Variants in CCDC171 observed in about 807,000 individuals in gnomAD.
CCDC171 encodes coiled-coil domain-containing protein 171.
A neutral mutation model predicts 168.2 loss-of-function variants in CCDC171; 177 were observed. The ratio of observed to expected loss-of-function variants is 1.05; its 90% CI spans 0.93 to 1.19. The LOEUF (loss-of-function observed/expected upper bound fraction) is 1.19. Among genes scored for constraint, CCDC171 ranks in the 50% most tolerant of loss-of-function variants. The pLI is 0.00. For missense variants in CCDC171, 1,991 were observed against 1,539.0 expected (o/e 1.29, Z -4.91); for synonymous variants, 687 against 540.8 (o/e 1.27, Z -3.75).
chr9:15,867,210 G>A (rs2061826959), intron 23 of CCDC171, among the ~76,000 whole-genome samples: 1 of 151,904 alleles, frequency 6.6e-6, no homozygotes, highest in Non-Finnish European at 1.5e-5. Flanking sequence ...TGTCAAACAG[G>A]ATATGATAGA....
chr9:15,968,711 A>G (rs1831051434), intron 25 of CCDC171, among the ~76,000 whole-genome samples: 1 of 151,848 alleles, frequency 6.6e-6, no homozygotes, highest in South Asian at 2.1e-4. Flanking sequence ...ACTGATTTTT[A>G]TATTTTTAGC....
chr9:15,912,544 T>C (rs1426412900), intron 24 of CCDC171, among the ~76,000 whole-genome samples: 2 of 152,204 alleles, frequency 1.3e-5, no homozygotes, highest in African/African-American at 4.8e-5. Flanking sequence ...TTTATTTCTT[T>C]CTCTTGCCTG....
At chr9:16,068,785 T>A in the CCDC171 span, among the ~76,000 whole-genome samples, 1 of 152,114 alleles carries the variant, frequency 6.6e-6, no homozygotes, top group African/African-American at 2.4e-5. Context: ...ATACGATGTA[T>A]TCTGGTTTTT....
At chr9:15,992,857 G>A (rs1187248895) in intron 3 of CCDC171, among the ~76,000 whole-genome samples, 1 of 152,066 alleles carries the variant, frequency 6.6e-6, no homozygotes, top group Non-Finnish European at 1.5e-5. Flanking sequence ...GCTTCAAAGA[G>A]AATAAAATAC....
intron 23 of CCDC171, among the ~76,000 whole-genome samples, chr9:15,850,747 C>T (rs1195603085): frequency 6.6e-6 from 1 of 151,920 alleles, no homozygotes; most frequent in African/African-American, 2.4e-5. Context: ...CACCTGTCTT[C>T]GTGCCAGAGT....
chr9:15,848,696 G>A (rs1162306466), intron 22 of CCDC171, among the ~76,000 whole-genome samples, 197 bp from the exon 23 acceptor site: 1 of 151,034 alleles, frequency 6.6e-6, no homozygotes, highest in East Asian at 1.9e-4. Context: ...CAGTGAATAT[G>A]GTTAGTTTTT....
At chr9:15,610,379 G>T (rs2043564425) in intron 6 of CCDC171, among the ~76,000 whole-genome samples, 2 of 144,100 alleles carry the variant, frequency 1.4e-5, no homozygotes, top group South Asian at 2.3e-4. Flanking sequence ...GGCCAAGGCG[G>T]GTGGATCACC....
At chr9:15,624,472 C>T (rs1047108273) in intron 7 of CCDC171, among the ~76,000 whole-genome samples, 6 of 152,086 alleles carry the variant, frequency 3.9e-5, no homozygotes, top group African/African-American at 1.4e-4. Flanking sequence ...ACTCCCCCAC[C>T]CCATGACAGG....
chr9:15,821,761 A>G lies in CCDC171; in HGVS notation c.3268-24941A>G, dbSNP rs1038547953. On this transcript the variant is annotated intron_variant, in intron 21 of 25. Coordinates refer to ENST00000380701, the MANE Select transcript of CCDC171 (RefSeq NM_173550.4). Reference sequence around the variant, plus strand: ...ATCGTGAAAATGGCCATACTGCCCAAGGTAATTTATACATTCAATGCCATC... The same window carrying G: ...ATCGTGAAAATGGCCATACTGCCCAGGGTAATTTATACATTCAATGCCATC... 4.3e-5 allele frequency among the ~76,000 whole-genome samples: 5 copies of G among 116,880 alleles called. 1 individual carries two copies. Among genetic ancestry groups the G allele is most frequent in the African/African-American group, 1.6e-4 (5 of 30,852 alleles). 76.7% of individuals were successfully genotyped at this position (116,880 alleles called of 152,430 possible).
the CCDC171 span, among the ~76,000 whole-genome samples, chr9:16,107,557 A>G: frequency 6.6e-6 from 1 of 152,102 alleles, no homozygotes; most frequent in Middle Eastern, 3.2e-3. Flanking sequence ...TGTATCACAC[A>G]CACACATATA....
At chr9:15,907,717 A>G (rs890697519) in intron 24 of CCDC171, among the ~76,000 whole-genome samples, 1 of 152,246 alleles carries the variant, frequency 6.6e-6, no homozygotes, top group African/African-American at 2.4e-5. Context: ...CAGAGTGAAC[A>G]GGCAACCTAC....
At chr9:15,848,762 A>G (rs1272672556) in intron 22 of CCDC171, 131 bp from the exon 23 acceptor site, 1 of 473,058 alleles carries the variant, frequency 2.1e-6, no homozygotes, top group Non-Finnish European at 3.8e-6. Context: ...AAGTTAAAAT[A>G]AATTAAAAAA....
rs756014091 is a variant in CCDC171, at chr9:15,973,006, T to C, written c.*1170T>C. The C allele has an allele frequency of 2.0e-5, 3 of 152,116 alleles. No individual in the cohort carries two copies. Among genetic ancestry groups the C allele is most frequent in the Non-Finnish European group, 4.4e-5 (3 of 68,028 alleles). The allele number at this position is 152,116 out of a possible 1,614,324, so 9.4% of individuals were successfully genotyped here. On this transcript the variant is annotated 3_prime_UTR_variant, in exon 26 of 26. Coordinates refer to ENST00000380701, the MANE Select transcript of CCDC171 (RefSeq NM_173550.4). ...TGTGGCTTGACAAAGTGATGTTCTG[T>C]TGGGTATCGCTAGACAGACTGTTCT...
chr9:15,941,059 C>A (rs765951088), intron 25 of CCDC171, among the ~76,000 whole-genome samples: 1 of 151,904 alleles, frequency 6.6e-6, no homozygotes, highest in Non-Finnish European at 1.5e-5. Context: ...TCTGTCATAG[C>A]CTTCCATGCC....
intron 23 of CCDC171, among the ~76,000 whole-genome samples, chr9:15,858,107 T>C (rs918927358): frequency 7.9e-5 from 12 of 152,088 alleles, no homozygotes; most frequent in African/African-American, 2.7e-4. Flanking sequence ...AGCCTTCCCC[T>C]CCTGGGTTCA....
At position 15,760,985 on chromosome 9, in the gene CCDC171, A is replaced by G. The variant is rs578025657; in HGVS notation, c.2671+15354A>G. On this transcript the variant is annotated intron_variant, in intron 18 of 25. Coordinates refer to ENST00000380701, the MANE Select transcript of CCDC171 (RefSeq NM_173550.4). ...CTTCCACTGAAGGGTTAGGATATCA[A>G]TCATGATGGGAATGGACTAAAGAAT... Among the ~76,000 whole-genome samples, 43 of 152,300 alleles carry G rather than the reference A, an allele frequency of 2.8e-4. 1 individual carries two copies. The highest frequency in any genetic ancestry group is 4.6e-4 in the Non-Finnish European group (31 of 68,004).
At chr9:15,672,829 G>T (rs1440675154) in intron 9 of CCDC171, among the ~76,000 whole-genome samples, 3 of 152,170 alleles carry the variant, frequency 2.0e-5, no homozygotes, top group Non-Finnish European at 4.4e-5. Flanking sequence ...GATTGTCTTG[G>T]CAATGTGGGC....
At chr9:16,104,177 T>C in the CCDC171 span, among the ~76,000 whole-genome samples, 1 of 152,098 alleles carries the variant, frequency 6.6e-6, no homozygotes, top group Non-Finnish European at 1.5e-5. Context: ...AGCCTCCCAC[T>C]TTCAACTTTC....
chr9:15,585,207 G>A (rs183703219), intron 4 of CCDC171, among the ~76,000 whole-genome samples: 25 of 152,146 alleles, frequency 1.6e-4, no homozygotes, highest in Non-Finnish European at 3.4e-4. Flanking sequence ...AATAAACATG[G>A]ATTTATCTTA....
Sources: allele counts gnomAD v4.1 joint callset (sites outside exome capture counted in the v4.1 genomes callset), GRCh38; gene constraint gnomAD v4.1.1; transcripts MANE v1.5; gene names NCBI Gene and HGNC (gene_info 2026-07-23, HGNC 2026-07-21).